Variants in ZDHHC3 observed in about 807,000 individuals in gnomAD.
ZDHHC3 encodes the protein zDHHC palmitoyltransferase 3.
Under a neutral mutation model 30.6 loss-of-function variants are expected in ZDHHC3, and 9 were observed. The observed-to-expected ratio is 0.29, with a 90% CI of 0.18 to 0.51. The LOEUF (loss-of-function observed/expected upper bound fraction) is 0.51, where lower values mean the gene tolerates loss of function less well. ZDHHC3 is among the 20% of genes least tolerant of loss of function. ZDHHC3 has a pLI of 0.97. For synonymous variants in ZDHHC3, 136 were observed against 140.2 expected (o/e 0.97, Z 0.21); for missense variants, 246 against 384.2 (o/e 0.64, Z 3.01).
rs544840694 is a variant in ZDHHC3 at position 44,941,194 on chromosome 3, C to T, written c.431+3974G>A. Among the ~76,000 whole-genome samples the T allele has an allele frequency of 3.3e-5, 5 of 152,302 alleles. No individual in the cohort carries two copies. In the East Asian group the frequency reaches 5.8e-4, roughly 18 times the overall value. ...ATAGTAAGAAAACAGCAAGAAGGTACTAAGTGAGCCATGGCGTCACACACA... is the reference window on the plus strand; with the variant it reads ...ATAGTAAGAAAACAGCAAGAAGGTATTAAGTGAGCCATGGCGTCACACACA... On this transcript the variant is annotated intron_variant, in intron 3 of 6. Coordinates refer to ENST00000424952, the MANE Select transcript of ZDHHC3 (RefSeq NM_001135179.2).
At chr3:44,926,887 A>T in intron 6 of ZDHHC3, 40 bp from the exon 7 acceptor site, 1 of 1,558,540 alleles carries the variant, frequency 6.4e-7, no homozygotes, top group Non-Finnish European at 8.7e-7. Flanking sequence ...CAAGCACTGC[A>T]TTGCTGTGGT....
At chr3:44,963,908 A>T (rs1046234826) in intron 1 of ZDHHC3, among the ~76,000 whole-genome samples, 9 of 152,196 alleles carry the variant, frequency 5.9e-5, no homozygotes, top group Admixed American at 6.5e-5. Flanking sequence ...GCAGCCACTA[A>T]ATGCAAGGAG....
chr3:44,921,704 G>A lies in ZDHHC3; in HGVS notation c.*4985C>T, dbSNP rs1301985831. The stretch of plus-strand genomic sequence containing the variant: ...CTTTGTGATTTAGATTATCATTCCC[G>A]TTTTCAGATGAAAAAACTGAGGCTT... On this transcript the variant is annotated 3_prime_UTR_variant, in exon 7 of 7. Coordinates refer to ENST00000424952, the MANE Select transcript of ZDHHC3 (RefSeq NM_001135179.2). 19 of 962,882 alleles carry A rather than the reference G, an allele frequency of 2.0e-5. No individual in the cohort carries two copies. Among genetic ancestry groups the A allele is most frequent in the African/African-American group, 5.3e-5 (3 of 56,688 alleles). The allele number at this position is 962,882 out of a possible 1,614,324, so 59.6% of individuals were successfully genotyped here.
chr3:44,927,101 G>T (rs1002534125), intron 6 of ZDHHC3, among the ~76,000 whole-genome samples: 3 of 152,344 alleles, frequency 2.0e-5, no homozygotes, highest in East Asian at 1.9e-4. Context: ...ACTGCTGCTT[G>T]TAAGTATGCC....
intron 3 of ZDHHC3, among the ~76,000 whole-genome samples, chr3:44,944,154 A>AT (rs1055028318): frequency 2.4e-4 from 35 of 147,316 alleles, no homozygotes; most frequent in South Asian, 6.5e-4. Context: ...TTAAAAAAAA[A>AT]TTTTTTTTTT....
Position 44,925,117 on chromosome 3 carries a change from G to A in ZDHHC3, c.*1572C>T, listed in dbSNP as rs1336027754. ...CCAGAGAAAACTCAAGTAGATTGTG[G>A]ATAGTCGGCCTCCCACTAAGGGTAA... On this transcript the variant is annotated 3_prime_UTR_variant, in exon 7 of 7. Transcript: ENST00000424952. The A allele has an allele frequency of 1.0e-6, 1 of 985,794 alleles. No individual in the cohort carries two copies. The highest frequency in any genetic ancestry group is 1.2e-6 in the Non-Finnish European group (1 of 829,946). The allele number at this position is 985,794 out of a possible 1,614,324, so 61.1% of individuals were successfully genotyped here. A position where few individuals can be genotyped will look rare whatever the true frequency, so the allele number is the denominator to read the frequency against.
At chr3:44,952,626 T>TC (rs1703567975) in intron 2 of ZDHHC3, among the ~76,000 whole-genome samples, 1 of 152,146 alleles carries the variant, frequency 6.6e-6, no homozygotes, top group Non-Finnish European at 1.5e-5. Context: ...AAACAGTCCC[T>TC]CCCTGTGGTC....
intron 1 of ZDHHC3, among the ~76,000 whole-genome samples, chr3:44,962,807 C>T (rs917884672): frequency 6.6e-6 from 1 of 152,168 alleles, no homozygotes; most frequent in Non-Finnish European, 1.5e-5. Flanking sequence ...TCTGTGTCTA[C>T]GGTCACCAGT....
At chr3:44,945,122 G>T (rs766440456) in intron 3 of ZDHHC3, 46 bp downstream of exon 3, 4 of 1,612,288 alleles carry the variant, frequency 2.5e-6, no homozygotes, top group Non-Finnish European at 3.4e-6. Flanking sequence ...GATGGAGGGA[G>T]GCAGGACAGT....
At chr3:44,936,346 T>C (rs543246621) in intron 3 of ZDHHC3, among the ~76,000 whole-genome samples, 46 of 151,876 alleles carry the variant, frequency 3.0e-4, no homozygotes, top group African/African-American at 1.0e-3. Context: ...CATTAAAAAG[T>C]CAAAAAACAA....
rs887902799 is a variant in ZDHHC3, at chr3:44,920,562, C to T, written c.*6127G>A. The T allele has an allele frequency of 3.6e-5, 35 of 984,982 alleles. No individual in the cohort carries two copies. The highest frequency in any genetic ancestry group is 1.1e-4 in the East Asian group (1 of 8,820). The allele number at this position is 984,982 out of a possible 1,614,324, so 61.0% of individuals were successfully genotyped here. ...AAACAGAAGTTCCAAGAGGCCATGA[C>T]GGTGGCCAAGGCTCATCTAGCTTGT... On this transcript the variant is annotated 3_prime_UTR_variant, in exon 7 of 7. Coordinates refer to ENST00000424952, the MANE Select transcript of ZDHHC3 (RefSeq NM_001135179.2).
At chr3:44,958,762 C>A in intron 2 of ZDHHC3, 1 of 1,235,998 alleles carries the variant, frequency 8.1e-7, no homozygotes, top group South Asian at 1.4e-5. Flanking sequence ...AATCCTGACC[C>A]AACCCTCCAG....
rs559814695 is a variant in ZDHHC3, at chr3:44,919,097, A to G, written c.*7592T>C. On this transcript the variant is annotated 3_prime_UTR_variant, in exon 7 of 7. Transcript: ENST00000424952. ...AGAGATTTAAGATTCTTGACTTTTG[A>G]ATAAATTCTAAGTTAAAAAAATTGG... The G allele has an allele frequency of 7.2e-5, 71 of 985,278 alleles. No homozygotes were observed. The highest frequency in any genetic ancestry group is 4.3e-4 in the Admixed American group (7 of 16,284). The allele number at this position is 985,278 out of a possible 1,614,324, so 61.0% of individuals were successfully genotyped here.
intron 3 of ZDHHC3, among the ~76,000 whole-genome samples, chr3:44,943,575 C>T (rs373182943): frequency 5.4e-4 from 83 of 152,310 alleles, no homozygotes; most frequent in African/African-American, 1.9e-3. Flanking sequence ...CAAATGTCTC[C>T]GCAGGCTAAG....
At position 44,926,020 on chromosome 3, in the gene ZDHHC3, G is replaced by T; in HGVS notation, c.*669C>A. ...CACAGGGAATATAATTGCTGATTCA[G>T]AATACAAATAAGACCTCTTTCATCT... On this transcript the variant is annotated 3_prime_UTR_variant, in exon 7 of 7. Transcript: ENST00000424952. 8.1e-6 allele frequency: 8 copies of T among 985,806 alleles called. No individual in the cohort carries two copies. Among genetic ancestry groups the T allele is most frequent in the Non-Finnish European group, 9.6e-6 (8 of 829,936 alleles). The allele number at this position is 985,806 out of a possible 1,614,324, so 61.1% of individuals were successfully genotyped here.
intron 3 of ZDHHC3, among the ~76,000 whole-genome samples, chr3:44,944,304 G>A (rs1385298470): frequency 3.3e-5 from 5 of 152,072 alleles, no homozygotes; most frequent in Non-Finnish European, 7.4e-5. Context: ...GTGCCACCAC[G>A]CCCGGCTAAT....
chr3:44,919,695 A>AAT lies in ZDHHC3; in HGVS notation c.*6993_*6994insAT, dbSNP rs1373626923. ...GAAATGTGAATAAGGTACATACATT[A>AAT]GTTAAGGGTATGGTGTTGCCAATGT... On this transcript the variant is annotated 3_prime_UTR_variant, in exon 7 of 7. Transcript: ENST00000424952. 2.2e-5 allele frequency: 4 copies of AAT among 182,128 alleles called. No homozygotes were observed. The allele number at this position is 182,128 out of a possible 1,614,324, so 11.3% of individuals were successfully genotyped here.
Position 44,918,683 on chromosome 3 carries a change from G to C in ZDHHC3, c.*8006C>G. On this transcript the variant is annotated 3_prime_UTR_variant, in exon 7 of 7. Coordinates refer to ENST00000424952, the MANE Select transcript of ZDHHC3 (RefSeq NM_001135179.2). ...GTGCTCGTACAGCAAGTGCCAACATGCATTAGGCAGCCGGAGGGCACACAG... is the reference window on the plus strand; with the variant it reads ...GTGCTCGTACAGCAAGTGCCAACATCCATTAGGCAGCCGGAGGGCACACAG... 1 of 997,442 alleles carries C rather than the reference G, an allele frequency of 1.0e-6. No individual in the cohort carries two copies. Among genetic ancestry groups the C allele is most frequent in the South Asian group, 4.4e-5 (1 of 22,874 alleles). The allele number at this position is 997,442 out of a possible 1,614,324, so 61.8% of individuals were successfully genotyped here. A position where few individuals can be genotyped will look rare whatever the true frequency, so the allele number is the denominator to read the frequency against.
chr3:44,961,370 C>A (rs545974693), intron 1 of ZDHHC3, among the ~76,000 whole-genome samples: 1 of 152,030 alleles, frequency 6.6e-6, no homozygotes, highest in Non-Finnish European at 1.5e-5. Context: ...CCAGCCTGGG[C>A]GACAGTGTGA....
Sources: allele counts gnomAD v4.1 joint callset (sites outside exome capture counted in the v4.1 genomes callset), GRCh38; gene constraint gnomAD v4.1.1; transcripts MANE v1.5; gene names NCBI Gene and HGNC (gene_info 2026-07-23, HGNC 2026-07-21).